The following KMT5B variants were observed in gnomAD, a reference collection of about 807,000 sequenced individuals.
The protein encoded by KMT5B is histone-lysine N-methyltransferase KMT5B.
In KMT5B, 10 loss-of-function variants were observed where a neutral mutation model predicts 83.2. That is an observed-to-expected ratio of 0.12 (90% CI 0.07 to 0.20). The LOEUF (loss-of-function observed/expected upper bound fraction) is 0.20, where lower values mean the gene tolerates loss of function less well. Ranked by LOEUF, KMT5B falls within the 10% of genes least tolerant of loss-of-function variation. The pLI, the probability that KMT5B is intolerant of heterozygous loss-of-function variation, is 1.00. For synonymous variants in KMT5B, 349 were observed against 388.8 expected, an observed-to-expected ratio of 0.90 and a Z score of 1.20; for missense variants, 753 against 1,067.2, an observed-to-expected ratio of 0.71 and a Z score of 4.10.
intron 1 of KMT5B, among the ~76,000 whole-genome samples, chr11:68,207,362 TA>T (rs1329780521): frequency 6.6e-6 from 1 of 152,092 alleles, no homozygotes; most frequent in African/African-American, 2.4e-5. Context: ...TAAAAGAAGA[TA>T]CAAACATCAC....
At position 68,158,457 on chromosome 11, in the gene KMT5B, G is replaced by T. The variant is rs1184050101; in HGVS notation, c.1889C>A (p.Thr630Asn). ...VKQFAKIEES[T>N]PVHDSPGKDD... Reference sequence around the variant, plus strand: ...TTTTCCAGGAGAATCGTGCACTGGAGTAGATTCCTCTATTTTTGCAAACTG... The same window carrying T: ...TTTTCCAGGAGAATCGTGCACTGGATTAGATTCCTCTATTTTTGCAAACTG... Residue 630 changes from threonine to asparagine, a missense_variant, in exon 11 of 11, where the codon ACT becomes AAT. By Grantham distance (65) the Thr-to-Asn change is moderately conservative. This residue lies in a region of KMT5B where 397 missense variants were observed against 395.9 expected (regional missense o/e 1.00). Coordinates refer to ENST00000304363, the MANE Select transcript of KMT5B (RefSeq NM_017635.5). 2 of 1,614,120 alleles carry T rather than the reference G, an allele frequency of 1.2e-6. No individual in the cohort carries two copies. Among genetic ancestry groups the T allele is most frequent in the Admixed American group, 1.7e-5 (1 of 60,016 alleles).
intron 6 of KMT5B, among the ~76,000 whole-genome samples, chr11:68,173,231 G>A (rs140374724): frequency 5.3e-4 from 81 of 152,236 alleles, no homozygotes; most frequent in African/African-American, 1.9e-3. Context: ...AGTAGAGATG[G>A]GGTTTCACCA....
At chr11:68,204,806 G>A (rs981052202) in intron 1 of KMT5B, among the ~76,000 whole-genome samples, 1 of 151,848 alleles carries the variant, frequency 6.6e-6, no homozygotes, top group African/African-American at 2.4e-5. Flanking sequence ...TAGTAGAGAT[G>A]GGGTTTCGCC....
chr11:68,209,179 G>T (rs1383017572), intron 1 of KMT5B, among the ~76,000 whole-genome samples: 2 of 152,160 alleles, frequency 1.3e-5, no homozygotes, highest in Non-Finnish European at 2.9e-5. Context: ...CCATTAAAAT[G>T]TATCATACAT....
intron 1 of KMT5B, among the ~76,000 whole-genome samples, chr11:68,195,919 G>A (rs1014600502): frequency 6.6e-6 from 1 of 152,172 alleles, no homozygotes; most frequent in Admixed American, 6.5e-5. Flanking sequence ...CACTTTGGGA[G>A]GCCCAGGTGG....
intron 1 of KMT5B, among the ~76,000 whole-genome samples, chr11:68,199,350 G>A (rs1285853036): frequency 1.3e-5 from 2 of 152,150 alleles, no homozygotes; most frequent in Non-Finnish European, 2.9e-5. Context: ...GGAGAAGGAG[G>A]GTGATAGTGG....
In KMT5B at chr11:68,158,222, G is replaced by C; in HGVS notation, c.2124C>G (p.Ile708Met). The C allele has an allele frequency of 1.2e-6, 2 of 1,614,138 alleles. No individual in the cohort carries two copies. The highest frequency in any genetic ancestry group is 1.7e-6 in the Non-Finnish European group (2 of 1,180,036). Residue 708 changes from isoleucine (I) to methionine (M), a missense_variant, in exon 11 of 11, where the codon ATC (isoleucine) becomes ATG (methionine). By Grantham distance (10) the Ile-to-Met change is conservative. Coordinates refer to ENST00000304363, the MANE Select transcript of KMT5B (RefSeq NM_017635.5). ...TGGGAATCCCAGAGTTATTTTCTAG[G>C]ATTAACTGTGCATCATACCTTGTGA... is the stretch of plus-strand genomic sequence containing the variant. ...RRITRYDAQL[I>M]LENNSGIPKL...
Position 68,157,916 on chromosome 11 carries a change from C to A in KMT5B, c.2430G>T (p.Glu810Asp), listed in dbSNP as rs1233697008. Reference protein sequence around the residue: ...VCCSDPLSLLESRMEVDDYSQ... With the variant: ...VCCSDPLSLLDSRMEVDDYSQ... ...TATAGTCATCCACCTCCATTCGAGACTCCAAGAGAGAAAGAGGATCACTGC... is the reference window on the plus strand; with the variant it reads ...TATAGTCATCCACCTCCATTCGAGAATCCAAGAGAGAAAGAGGATCACTGC... The change falls in exon 11 of 11, where the codon GAG becomes GAT. Residue 810 changes from glutamate (E) to aspartate (D), a missense_variant. This residue lies in a region of KMT5B where 161 missense variants were observed against 195.1 expected (regional missense o/e 0.83). Transcript: ENST00000304363. 6.2e-7 allele frequency: 1 copy of A among 1,614,140 alleles called. No homozygotes were observed.
chr11:68,182,459 T>A (rs1857028251), intron 3 of KMT5B, among the ~76,000 whole-genome samples: 1 of 151,918 alleles, frequency 6.6e-6, no homozygotes, highest in Non-Finnish European at 1.5e-5. Context: ...AAAACTGGAG[T>A]GCTTCCTTTT....
At chr11:68,163,082 G>A (rs1256491501) in intron 10 of KMT5B, among the ~76,000 whole-genome samples, 1 of 152,158 alleles carries the variant, frequency 6.6e-6, no homozygotes, top group Non-Finnish European at 1.5e-5. Context: ...ACCTAAGTGG[G>A]GTCAGATGCA....
chr11:68,158,062 G>A lies in KMT5B; in HGVS notation c.2284C>T (p.Leu762Phe), dbSNP rs978285507. The change falls in exon 11 of 11, where the codon CTT (leucine) becomes TTT (phenylalanine). Residue 762 changes from leucine to phenylalanine, a missense_variant. By Grantham distance (22) the Leu-to-Phe change is conservative. This residue lies in a region of KMT5B where 161 missense variants were observed against 195.1 expected (regional missense o/e 0.83). Coordinates refer to ENST00000304363, the MANE Select transcript of KMT5B (RefSeq NM_017635.5). ...DNDNNLYVAK[L>F]NNGFNSGSGS... Reference sequence around the variant, plus strand: ...GATCCTGAGTTAAATCCATTATTAAGCTTTGCTACATAGAGATTGTTATCG... The same window carrying A: ...GATCCTGAGTTAAATCCATTATTAAACTTTGCTACATAGAGATTGTTATCG... 1.1e-5 allele frequency: 18 copies of A among 1,613,970 alleles called. No homozygotes were observed. Among genetic ancestry groups the A allele is most frequent in the Non-Finnish European group, 2.5e-6 (3 of 1,180,008 alleles).
At chr11:68,164,044 G>C (rs1855084612) in intron 10 of KMT5B, among the ~76,000 whole-genome samples, 1 of 152,146 alleles carries the variant, frequency 6.6e-6, no homozygotes, top group Admixed American at 6.5e-5. Flanking sequence ...ACTAACTTCA[G>C]AGGGGGCAGC....
At chr11:68,190,265 C>T (rs1218344218) in intron 1 of KMT5B, 113 bp from the exon 2 acceptor site, 3 of 584,032 alleles carry the variant, frequency 5.1e-6, no homozygotes, top group South Asian at 2.2e-5. Context: ...CAGTCATTCA[C>T]AGTATAATGA....
chr11:68,212,596 A>G, intron 1 of KMT5B: 1 of 153,104 alleles, frequency 6.5e-6, no homozygotes, highest in African/African-American at 2.4e-5. Context: ...GGACAGACAC[A>G]CACCAGGGGA....
intron 1 of KMT5B, among the ~76,000 whole-genome samples, chr11:68,205,206 T>TACTC (rs1355082699): frequency 6.6e-6 from 1 of 151,700 alleles, no homozygotes; most frequent in Non-Finnish European, 1.5e-5. Flanking sequence ...CAGTCCCTGC[T>TACTC]ACTCAGGAGG....
At chr11:68,206,951 C>G (rs1205951068) in intron 1 of KMT5B, among the ~76,000 whole-genome samples, 1 of 152,138 alleles carries the variant, frequency 6.6e-6, no homozygotes, top group African/African-American at 2.4e-5. Flanking sequence ...GATTAAAAAT[C>G]ATGCCAAGCA....
intron 5 of KMT5B, among the ~76,000 whole-genome samples, chr11:68,174,518 CAA>C (rs1336629004): frequency 6.6e-6 from 1 of 152,046 alleles, no homozygotes; most frequent in East Asian, 1.9e-4. Flanking sequence ...CTCTATATGA[CAA>C]AGTTTTCTCT....
chr11:68,178,515 C>A (rs1856595441), intron 4 of KMT5B, among the ~76,000 whole-genome samples: 1 of 152,132 alleles, frequency 6.6e-6, no homozygotes, highest in Non-Finnish European at 1.5e-5. Flanking sequence ...ATAGCAAGAA[C>A]CTCTATTTCA....
chr11:68,159,208 T>C (rs1398788601), intron 10 of KMT5B, 37 bp from the exon 11 acceptor site: 1 of 1,517,054 alleles, frequency 6.6e-7, no homozygotes, highest in Non-Finnish European at 8.7e-7. Flanking sequence ...AAAGCCTTGG[T>C]AACAGCAGAG....
Sources: gnomAD v4.1 joint callset for allele counts (sites outside exome capture counted in the v4.1 genomes callset) on GRCh38, gnomAD v4.1.1 for gene constraint, gnomAD v4.1.1 regional missense constraint, MANE v1.5 for transcripts, NCBI Gene and HGNC (gene_info 2026-07-23, HGNC 2026-07-21) for gene names.